Variants in PAX2 observed in about 807,000 individuals in gnomAD.
The protein encoded by PAX2 is paired box 2.
PAX2 carries 9 observed loss-of-function variants against 41.7 expected under a neutral mutation model. The ratio of observed to expected loss-of-function variants is 0.22; its 90% CI spans 0.13 to 0.38. The LOEUF (loss-of-function observed/expected upper bound fraction) is 0.38, where lower values mean the gene tolerates loss of function less well. Among genes scored for constraint, PAX2 ranks in the 10% least tolerant of loss-of-function variants. PAX2 has a pLI of 1.00. For missense variants in PAX2, 418 were observed against 531.6 expected (o/e 0.79, Z 2.10); for synonymous variants, 221 against 212.7 (o/e 1.04, Z -0.34).
chr10:100,803,714 C>T (rs1267306927), intron 5 of PAX2, among the ~76,000 whole-genome samples: 1 of 151,948 alleles, frequency 6.6e-6, no homozygotes, highest in East Asian at 1.9e-4. Flanking sequence ...ACTTTGTTTT[C>T]CTTCTCCTCT....
chr10:100,821,480 T>C (rs1403176009), intron 7 of PAX2, among the ~76,000 whole-genome samples: 2 of 152,266 alleles, frequency 1.3e-5, no homozygotes, highest in Admixed American at 6.5e-5. Context: ...TACATGGCAC[T>C]GCCCAACTTC....
At chr10:100,809,342 T>C (rs1050773150) in intron 7 of PAX2, 106 bp downstream of exon 7, 47 of 1,144,540 alleles carry the variant, frequency 4.1e-5, no homozygotes, top group Non-Finnish European at 5.6e-5. Context: ...CCGTGATATT[T>C]ACAGAGAGAA....
At position 100,827,753 on chromosome 10, in the gene PAX2, T is replaced by G; in HGVS notation, c.*134T>G. The G allele has an allele frequency of 7.0e-7, 1 of 1,422,098 alleles. No individual in the cohort carries two copies. The allele number at this position is 1,422,098 out of a possible 1,614,324, so 88.1% of individuals were successfully genotyped here. On this transcript the variant is annotated 3_prime_UTR_variant, in exon 10 of 10. Coordinates refer to ENST00000355243, the MANE Select transcript of PAX2 (RefSeq NM_000278.5). The surrounding 1 kb of genome is among the most constrained non-coding windows in gnomAD (Gnocchi z 8.5). ...CGGCCACCGCCCCAGCCTCACCCCA[T>G]CCCACGACCCCCGCAACCCTTCACA...
chr10:100,753,968 T>C (rs913566810), intron 3 of PAX2, among the ~76,000 whole-genome samples: 1 of 152,164 alleles, frequency 6.6e-6, no homozygotes, highest in African/African-American at 2.4e-5. Context: ...CCTTAGCATG[T>C]GGAATTTATC....
At chr10:100,807,499 C>T (rs1462611899) in intron 6 of PAX2, among the ~76,000 whole-genome samples, 6 of 151,484 alleles carry the variant, frequency 4.0e-5, no homozygotes, top group South Asian at 4.2e-4. Flanking sequence ...CCTGCTCCCC[C>T]GACCACAGCC....
intron 5 of PAX2, among the ~76,000 whole-genome samples, chr10:100,803,831 C>A (rs1369768780): frequency 3.3e-5 from 5 of 152,096 alleles, no homozygotes; most frequent in Admixed American, 2.6e-4. Context: ...TTCCCTCCCC[C>A]TTCCCCTCCT....
chr10:100,747,668 G>T (rs954482994), intron 1 of PAX2: 5 of 984,252 alleles, frequency 5.1e-6, no homozygotes, highest in African/African-American at 1.8e-5. Flanking sequence ...GCGGGGGTTG[G>T]GGGGGGCGTT....
chr10:100,802,311 A>G (rs1847592557), intron 5 of PAX2, among the ~76,000 whole-genome samples: 1 of 152,204 alleles, frequency 6.6e-6, no homozygotes. Context: ...TCCAGGCCCC[A>G]GTCTTAAGCA....
At chr10:100,755,099 G>A (rs1845582681) in intron 3 of PAX2, among the ~76,000 whole-genome samples, 1 of 152,222 alleles carries the variant, frequency 6.6e-6, no homozygotes, top group South Asian at 2.1e-4. Context: ...GTCCCCTACT[G>A]TGAGGTTACC....
intron 5 of PAX2, among the ~76,000 whole-genome samples, chr10:100,802,358 C>T (rs1388911902): frequency 6.6e-6 from 1 of 152,132 alleles, no homozygotes; most frequent in African/African-American, 2.4e-5. Flanking sequence ...GCTCAGCAGC[C>T]CCGGGGTTAA....
upstream of PAX2, among the ~76,000 whole-genome samples, chr10:100,744,519 C>G (rs1313921669): frequency 2.6e-5 from 4 of 152,210 alleles, no homozygotes; most frequent in Non-Finnish European, 4.4e-5. Flanking sequence ...GCGGAGGCTC[C>G]GGCAGGAGTG....
intron 7 of PAX2, among the ~76,000 whole-genome samples, chr10:100,815,444 C>T (rs1848156427): frequency 6.6e-6 from 1 of 152,170 alleles, no homozygotes; most frequent in Non-Finnish European, 1.5e-5. Flanking sequence ...GAGGGCTGTT[C>T]CTCAGTGCTC....
chr10:100,748,242 G>GC lies in PAX2; in HGVS notation c.44-1503dup, dbSNP rs894693623. On this transcript the variant is annotated intron_variant, in intron 1 of 9. Coordinates refer to ENST00000355243, the MANE Select transcript of PAX2 (RefSeq NM_000278.5). This position sits in a 1 kb window ranked among gnomAD's most constrained non-coding sequence, Gnocchi z 5.0. ...GCTGCCGCCTTTTCATACCGGTAAC[G>GC]CGAGTTCTCCCGGGGCCTAAATTAT... The GC allele has an allele frequency of 2.0e-6, 2 of 985,174 alleles. No individual in the cohort carries two copies. The highest frequency in any genetic ancestry group is 3.5e-5 in the African/African-American group (2 of 57,286). The allele number at this position is 985,174 out of a possible 1,614,324, so 61.0% of individuals were successfully genotyped here. A position where few individuals can be genotyped will look rare whatever the true frequency, so the allele number is the denominator to read the frequency against.
chr10:100,747,146 A>C (rs762409088), intron 1 of PAX2: 2 of 152,300 alleles, frequency 1.3e-5, no homozygotes, highest in Non-Finnish European at 2.9e-5. Context: ...GGCCCCCGGC[A>C]GAGTGCAGCT....
chr10:100,790,303 G>A (rs138275846), intron 5 of PAX2, among the ~76,000 whole-genome samples: 142 of 152,304 alleles, frequency 9.3e-4, no homozygotes, highest in African/African-American at 3.3e-3. Flanking sequence ...GCGGGTGTAG[G>A]TATACCACTG....
Position 100,828,912 on chromosome 10 carries a change from T to C in PAX2, c.*1293T>C. The C allele has an allele frequency of 4.5e-6, 1 of 224,222 alleles. No individual in the cohort carries two copies. Among genetic ancestry groups the C allele is most frequent in the Non-Finnish European group, 8.9e-6 (1 of 112,202 alleles). The allele number at this position is 224,222 out of a possible 1,614,324, so 13.9% of individuals were successfully genotyped here. A position where few individuals can be genotyped will look rare whatever the true frequency, so the allele number is the denominator to read the frequency against. On this transcript the variant is annotated 3_prime_UTR_variant, in exon 10 of 10. Transcript: ENST00000355243. This position sits in a 1 kb window ranked among gnomAD's most constrained non-coding sequence, Gnocchi z 6.5. ...GGCGAAACCCGGTGTACATAACCCC[T>C]CCCCCTCCGCCCCGCCCCGCCCGGC...
rs201800775 is a variant in PAX2 at position 100,826,990 on chromosome 10, C to A, written c.1022-19C>A. On this transcript the variant is annotated intron_variant, in intron 8 of 9. Transcript: ENST00000355243. This position sits in a 1 kb window ranked among gnomAD's most constrained non-coding sequence, Gnocchi z 5.5. The stretch of plus-strand genomic sequence containing the variant: ...CTGGCTTGCAGGCGTCTGATCCCCA[C>A]TCCCCGACCCTCCCGCAGGGAGCGA... The A allele has an allele frequency of 6.3e-7, 1 of 1,592,458 alleles. No individual in the cohort carries two copies. Among genetic ancestry groups the A allele is most frequent in the Non-Finnish European group, 8.6e-7 (1 of 1,160,588 alleles).
intron 5 of PAX2, among the ~76,000 whole-genome samples, chr10:100,801,717 G>A (rs1234726352): frequency 6.6e-6 from 1 of 152,242 alleles, no homozygotes; most frequent in East Asian, 1.9e-4. Flanking sequence ...GCCAGGCAAA[G>A]AACGAGGGAT....
upstream of PAX2, among the ~76,000 whole-genome samples, chr10:100,742,958 G>A (rs1490426400): frequency 6.9e-6 from 1 of 144,590 alleles, no homozygotes; most frequent in African/African-American, 2.6e-5. Flanking sequence ...TCAGAGGAGC[G>A]GCCAGTGACT....
Sources: allele counts gnomAD v4.1 joint callset (sites outside exome capture counted in the v4.1 genomes callset), GRCh38; gene constraint gnomAD v4.1.1; non-coding constraint Gnocchi (gnomAD v3.1); transcripts MANE v1.5; gene names NCBI Gene and HGNC (gene_info 2026-07-23, HGNC 2026-07-21).